The following FERMT2 variants were observed in gnomAD, a reference collection of about 807,000 sequenced individuals.
FERMT2 encodes the protein fermitin family homolog 2.
In FERMT2, 15 loss-of-function variants were observed where a neutral mutation model predicts 82.7. That is an observed-to-expected ratio of 0.18 (90% CI 0.12 to 0.28). The LOEUF is 0.28. FERMT2 is among the 10% of genes least tolerant of loss of function. FERMT2 has a pLI of 1.00. For missense variants in FERMT2, 645 were observed against 809.4 expected, an observed-to-expected ratio of 0.80 and a Z score of 2.46; for synonymous variants, 274 against 271.5, an observed-to-expected ratio of 1.01 and a Z score of -0.09.
At chr14:52,944,826 C>A (rs900120824) in intron 2 of FERMT2, among the ~76,000 whole-genome samples, 2 of 152,138 alleles carry the variant, frequency 1.3e-5, no homozygotes, top group African/African-American at 4.8e-5. Context: ...TATTATATGG[C>A]AAGAACATGA....
At chr14:52,869,063 CAG>C (rs1324745873) in intron 10 of FERMT2, among the ~76,000 whole-genome samples, 2 of 152,140 alleles carry the variant, frequency 1.3e-5, no homozygotes, top group African/African-American at 4.8e-5. Context: ...ACAGTGAGAA[CAG>C]GGGCCAGAAG....
chr14:52,937,029 G>T (rs1889868918), intron 2 of FERMT2, among the ~76,000 whole-genome samples: 1 of 151,988 alleles, frequency 6.6e-6, no homozygotes, highest in South Asian at 2.1e-4. Context: ...AGGCATGGTG[G>T]TGCGTGCCTG....
intron 4 of FERMT2, 128 bp from the exon 5 acceptor site, chr14:52,881,597 T>A (rs763191479): frequency 3.8e-5 from 33 of 859,888 alleles, no homozygotes; most frequent in Non-Finnish European, 5.5e-5. Flanking sequence ...AAGCTTAGTA[T>A]ATTATTTTAC....
At chr14:52,950,721 C>T in intron 1 of FERMT2, 144 bp from the exon 2 acceptor site, 1 of 762,374 alleles carries the variant, frequency 1.3e-6, no homozygotes, top group Non-Finnish European at 2.1e-6. Context: ...GCGGCGGCGG[C>T]CGGGGCTGCG....
intron 6 of FERMT2, among the ~76,000 whole-genome samples, 177 bp downstream of exon 6, chr14:52,880,859 A>G (rs1886252039): frequency 1.3e-5 from 2 of 152,210 alleles, no homozygotes; most frequent in African/African-American, 4.8e-5. Context: ...CCAACCTACT[A>G]AAATAGACTT....
intron 6 of FERMT2, among the ~76,000 whole-genome samples, chr14:52,880,587 C>T (rs911529527): frequency 6.6e-6 from 1 of 151,962 alleles, no homozygotes. Flanking sequence ...TTAGTAGAGA[C>T]GGGGTTTCAC....
intron 10 of FERMT2, among the ~76,000 whole-genome samples, chr14:52,868,645 T>C (rs1885433976): frequency 6.6e-6 from 1 of 152,170 alleles, no homozygotes; most frequent in Admixed American, 6.5e-5. Context: ...ACACTCTCAT[T>C]TCTCAGAAGA....
At chr14:52,884,178 A>G (rs1246657224) in intron 4 of FERMT2, among the ~76,000 whole-genome samples, 1 of 152,242 alleles carries the variant, frequency 6.6e-6, no homozygotes, top group African/African-American at 2.4e-5. Flanking sequence ...TGTAGGCACT[A>G]TGTGATAATA....
intron 2 of FERMT2, among the ~76,000 whole-genome samples, chr14:52,935,437 T>C (rs1889791958): frequency 6.6e-6 from 1 of 152,178 alleles, no homozygotes; most frequent in South Asian, 2.1e-4. Context: ...TATCTGAAGA[T>C]GGGGCCTTGG....
At chr14:52,906,204 G>C (rs1888003110) in intron 3 of FERMT2, among the ~76,000 whole-genome samples, 1 of 152,100 alleles carries the variant, frequency 6.6e-6, no homozygotes, top group Non-Finnish European at 1.5e-5. Flanking sequence ...GGAGAGAAGG[G>C]AGCTCCACAG....
At chr14:52,873,250 A>C (rs1309734715) in intron 9 of FERMT2, among the ~76,000 whole-genome samples, 1 of 152,174 alleles carries the variant, frequency 6.6e-6, no homozygotes, top group East Asian at 1.9e-4. Context: ...AGGTGAAGTA[A>C]ATGTCAGTAA....
chr14:52,894,097 G>A (rs920702473), intron 3 of FERMT2, among the ~76,000 whole-genome samples: 2 of 152,140 alleles, frequency 1.3e-5, no homozygotes, highest in East Asian at 3.9e-4. Flanking sequence ...CAAGTGCTGG[G>A]ATTACCGGCG....
rs1454010887 is a variant in FERMT2, at chr14:52,864,617, T to C, written c.1386A>G (p.Lys462=). ...NEIWLRCDNE[K]QYAHWMAACR... ...AGGCTGCCATCCAGTGTGCATACTG[T>C]TTTTCCTGGAGAAAAGAAATACTGA... The change falls in exon 12 of 15, where the codon AAA becomes AAG. Residue 462 remains lysine (K), a synonymous_variant. Transcript: ENST00000341590. 6.2e-7 allele frequency: 1 copy of C among 1,613,784 alleles called. No individual in the cohort carries two copies. Among genetic ancestry groups the C allele is most frequent in the South Asian group, 1.1e-5 (1 of 91,070 alleles).
At chr14:52,875,443 T>C in intron 7 of FERMT2, 86 bp from the exon 8 acceptor site, 1 of 977,650 alleles carries the variant, frequency 1.0e-6, no homozygotes. Flanking sequence ...TATTTAATGC[T>C]TTTCAGGACC....
chr14:52,892,461 T>TTGTTTTTG (rs779450528), intron 4 of FERMT2, among the ~76,000 whole-genome samples: 6 of 133,794 alleles, frequency 4.5e-5, no homozygotes, highest in African/African-American at 7.9e-5. Context: ...TTTTTGTTTT[T>TTGTTTTTG]TTTTTTTTTT....
chr14:52,932,964 T>G lies in FERMT2; in HGVS notation c.158-13608A>C, dbSNP rs114757991. Among the ~76,000 whole-genome samples the G allele has an allele frequency of 9.3e-3, 1,409 of 152,236 alleles. 21 individuals carry two copies. Among genetic ancestry groups the G allele is most frequent in the African/African-American group, 0.032 (1,325 of 41,538 alleles). On this transcript the variant is annotated intron_variant, in intron 2 of 14. Coordinates refer to ENST00000341590, the MANE Select transcript of FERMT2 (RefSeq NM_006832.3). Reference sequence around the variant, plus strand: ...ACATATACTTTTGAACTCTGCTGAATCTTATTCTCTCATATAGCGTTATTA... The same window carrying G: ...ACATATACTTTTGAACTCTGCTGAAGCTTATTCTCTCATATAGCGTTATTA...
Position 52,881,318 on chromosome 14 carries a change from T to C in FERMT2, c.678A>G (p.Pro226=). The change falls in exon 5 of 15, where the codon CCA becomes CCG. Residue 226 remains proline, a synonymous_variant. Coordinates refer to ENST00000341590, the MANE Select transcript of FERMT2 (RefSeq NM_006832.3). ...TTGCCAAGATTTCTGGTGACGTGAT[T>C]GGTTGACTGACAGCAAGTATACCAG... ...GNPGILAVSQ[P]ITSPEILAKM... The C allele has an allele frequency of 6.2e-7, 1 of 1,614,098 alleles. No individual in the cohort carries two copies. Among genetic ancestry groups the C allele is most frequent in the Admixed American group, 1.7e-5 (1 of 60,004 alleles).
At position 52,905,150 on chromosome 14, in the gene FERMT2, C is replaced by A. The variant is rs1479512769; in HGVS notation, c.392-11723G>T. Among the ~76,000 whole-genome samples the A allele has an allele frequency of 2.1e-5, 3 of 146,062 alleles. No individual in the cohort carries two copies. In the Admixed American group the frequency reaches 2.1e-4, roughly 10 times the overall value. On this transcript the variant is annotated intron_variant, in intron 3 of 14. Coordinates refer to ENST00000341590, the MANE Select transcript of FERMT2 (RefSeq NM_006832.3). ...GTTTCAGTGAGCCAAGATTGCGCCA[C>A]TGCACTCCAGCCTGGGGAACAGAGC...
intron 2 of FERMT2, among the ~76,000 whole-genome samples, chr14:52,930,437 T>C (rs1889509734): frequency 6.6e-6 from 1 of 152,150 alleles, no homozygotes; most frequent in East Asian, 1.9e-4. Flanking sequence ...CCTTACCAAC[T>C]GTATCATAAA....
Sources: allele counts gnomAD v4.1 joint callset (sites outside exome capture counted in the v4.1 genomes callset), GRCh38; gene constraint gnomAD v4.1.1; transcripts MANE v1.5; gene names NCBI Gene and HGNC (gene_info 2026-07-23, HGNC 2026-07-21).